The following COL5A1 variants were observed in gnomAD, a reference collection of about 807,000 sequenced individuals.
COL5A1 encodes the protein collagen alpha-1(V) chain.
A neutral mutation model predicts 263.7 loss-of-function variants in COL5A1; 16 were observed. The observed-to-expected ratio is 0.06, with a 90% CI of 0.04 to 0.09. The LOEUF is 0.09. Ranked by LOEUF, COL5A1 falls within the 10% of genes least tolerant of loss-of-function variation. The probability of loss-of-function intolerance (pLI) is 1.00; values close to 1 mark genes in which losing one functional copy is unlikely to be tolerated. For missense variants in COL5A1, 2,036 were observed against 2,540.5 expected (o/e 0.80, Z 4.27); for synonymous variants, 1,012 against 1,004.5 (o/e 1.01, Z -0.14).
chr9:134,810,589 G>T, intron 44 of COL5A1: 1 of 461,110 alleles, frequency 2.2e-6, no homozygotes, highest in Non-Finnish European at 3.9e-6. Context: ...CTTGGGTTCT[G>T]CAGACACACC....
At chr9:134,692,008 G>A (rs1396842507) in intron 2 of COL5A1, among the ~76,000 whole-genome samples, 1 of 152,240 alleles carries the variant, frequency 6.6e-6, no homozygotes, top group Non-Finnish European at 1.5e-5. Flanking sequence ...TTGAGGGGCT[G>A]TTTCTGCTTC....
intron 42 of COL5A1, chr9:134,808,891 T>G (rs539190183): frequency 3.1e-5 from 15 of 491,616 alleles, no homozygotes; most frequent in Admixed American, 2.0e-4. Context: ...TGGATTTGGA[T>G]CCTGTCTCTA....
rs780864692 is a variant in COL5A1, at chr9:134,700,738, G to A, written c.492-433G>A. Among the ~76,000 whole-genome samples the A allele has an allele frequency of 1.3e-5, 2 of 152,156 alleles. No individual in the cohort carries two copies. Among genetic ancestry groups the A allele is most frequent in the Non-Finnish European group, 2.9e-5 (2 of 68,032 alleles). ...CTGGCTGCCTGCAGTTTGCCATCGG[G>A]GTTCAGAGGGCACGTGACAAGTGCT... is the stretch of plus-strand genomic sequence containing the variant. On this transcript the variant is annotated intron_variant, in intron 3 of 65. Coordinates refer to ENST00000371817, the MANE Select transcript of COL5A1 (RefSeq NM_000093.5). The surrounding 1 kb of genome is among the most constrained non-coding windows in gnomAD (Gnocchi z 4.0).
chr9:134,682,837 C>G lies in COL5A1; in HGVS notation c.110-8075C>G, dbSNP rs934284412. 6.6e-6 allele frequency among the ~76,000 whole-genome samples: 1 copy of G among 152,186 alleles called. No individual in the cohort carries two copies. Among genetic ancestry groups the G allele is most frequent in the Non-Finnish European group, 1.5e-5 (1 of 68,030 alleles). On this transcript the variant is annotated intron_variant, in intron 1 of 65. Coordinates refer to ENST00000371817, the MANE Select transcript of COL5A1 (RefSeq NM_000093.5). This position sits in a 1 kb window ranked among gnomAD's most constrained non-coding sequence, Gnocchi z 5.1. Reference sequence around the variant, plus strand: ...GCTCTGATGGATCGCAAATGCCCAGCCTTTGGGAGCGGGGACTGCGGCCAG... The same window carrying G: ...GCTCTGATGGATCGCAAATGCCCAGGCTTTGGGAGCGGGGACTGCGGCCAG...
chr9:134,688,448 G>C (rs546314118), intron 1 of COL5A1, among the ~76,000 whole-genome samples: 2 of 152,360 alleles, frequency 1.3e-5, no homozygotes, highest in East Asian at 3.9e-4. Context: ...GCTGCATCCA[G>C]GCCCAGGGCT....
Position 134,812,513 on chromosome 9 carries a change from C to T in COL5A1, c.3744+11C>T, listed in dbSNP as rs903447322. On this transcript the variant is annotated intron_variant, in intron 47 of 65. Coordinates refer to ENST00000371817, the MANE Select transcript of COL5A1 (RefSeq NM_000093.5). The stretch of plus-strand genomic sequence containing the variant: ...GACGTGGGCCAGATGGTAAGTGTGC[C>T]TGAGACTCCAAGGCCTTGCCGTACT... 26 of 1,613,980 alleles carry T rather than the reference C, an allele frequency of 1.6e-5. No individual in the cohort carries two copies. The highest frequency in any genetic ancestry group is 2.1e-5 in the Non-Finnish European group (25 of 1,179,966).
At chr9:134,748,077 A>ATGC in intron 11 of COL5A1, among the ~76,000 whole-genome samples, 1 of 151,348 alleles carries the variant, frequency 6.6e-6, no homozygotes, top group Non-Finnish European at 1.5e-5. Context: ...ACACACCCAC[A>ATGC]AACATGCATG....
intron 11 of COL5A1, among the ~76,000 whole-genome samples, chr9:134,739,252 C>T (rs1000798482): frequency 1.3e-5 from 2 of 152,244 alleles, no homozygotes; most frequent in Non-Finnish European, 2.9e-5. Flanking sequence ...TCGGGTGTCC[C>T]TCGCCGCGGG....
At chr9:134,723,540 T>C (rs767723738) in intron 4 of COL5A1, among the ~76,000 whole-genome samples, 13 of 152,202 alleles carry the variant, frequency 8.5e-5, no homozygotes, top group Non-Finnish European at 1.8e-4. Flanking sequence ...GGCTCTGCAG[T>C]TGGGACCAGT....
At chr9:134,714,084 G>A (rs1246689739) in intron 4 of COL5A1, among the ~76,000 whole-genome samples, 2 of 152,208 alleles carry the variant, frequency 1.3e-5, no homozygotes, top group Non-Finnish European at 2.9e-5. Flanking sequence ...CAGAGACCCA[G>A]ATTTTTTTCA....
At chr9:134,822,812 G>C (rs899272178) in intron 59 of COL5A1, 186 bp from the exon 60 acceptor site, 1 of 718,332 alleles carries the variant, frequency 1.4e-6, no homozygotes, top group Admixed American at 2.1e-5. Context: ...GTCTCCACGA[G>C]GGGTGAGCAC....
chr9:134,812,872 G>C (rs1269448199), intron 48 of COL5A1, among the ~76,000 whole-genome samples, 160 bp downstream of exon 48: 1 of 151,980 alleles, frequency 6.6e-6, no homozygotes, highest in Non-Finnish European at 1.5e-5. Flanking sequence ...ACAGAGATGA[G>C]AAGTACTCAT....
At chr9:134,714,836 T>C (rs903644856) in intron 4 of COL5A1, among the ~76,000 whole-genome samples, 7 of 147,944 alleles carry the variant, frequency 4.7e-5, no homozygotes, top group African/African-American at 1.8e-4. Flanking sequence ...ATGGTGGTGG[T>C]GGTGATGCTG....
chr9:134,829,042 G>A (rs1169957447), intron 63 of COL5A1, among the ~76,000 whole-genome samples: 1 of 152,188 alleles, frequency 6.6e-6, no homozygotes, highest in African/African-American at 2.4e-5. Context: ...AGCCAGGCAA[G>A]GCTGTGAGGA....
At chr9:134,827,508 A>G (rs1427274565) in intron 63 of COL5A1, among the ~76,000 whole-genome samples, 1 of 152,238 alleles carries the variant, frequency 6.6e-6, no homozygotes, top group Non-Finnish European at 1.5e-5. Flanking sequence ...TCCCTTAGAA[A>G]AGAGGTTTCT....
chr9:134,819,322 G>A (rs1838898912), intron 57 of COL5A1, among the ~76,000 whole-genome samples: 1 of 152,246 alleles, frequency 6.6e-6, no homozygotes, highest in Non-Finnish European at 1.5e-5. Flanking sequence ...AGGCACAGAG[G>A]CCCCGGCTGA....
chr9:134,646,214 G>C (rs74779284), intron 1 of COL5A1, among the ~76,000 whole-genome samples: 2,798 of 152,228 alleles, frequency 0.018, 115 homozygotes, highest in African/African-American at 0.065. Flanking sequence ...TTCCTTCCAG[G>C]AGCTCACAGT....
At chr9:134,736,573 C>A (rs1206530946) in intron 9 of COL5A1, among the ~76,000 whole-genome samples, 1 of 152,232 alleles carries the variant, frequency 6.6e-6, no homozygotes, top group Non-Finnish European at 1.5e-5. Context: ...TTTGGGGAGA[C>A]ACATTCAAAC....
chr9:134,750,519 C>T (rs1047360326), intron 11 of COL5A1, 23 bp from the exon 12 acceptor site: 5 of 1,611,706 alleles, frequency 3.1e-6, no homozygotes, highest in Non-Finnish European at 4.2e-6. Context: ...TCTGACTTGT[C>T]TCTCTTGGCC....
Sources: allele counts gnomAD v4.1 joint callset (sites outside exome capture counted in the v4.1 genomes callset), GRCh38; gene constraint gnomAD v4.1.1; non-coding constraint Gnocchi (gnomAD v3.1); transcripts MANE v1.5; gene names NCBI Gene and HGNC (gene_info 2026-07-23, HGNC 2026-07-21).